Variants in LAMA1 observed in about 807,000 individuals in gnomAD.
LAMA1 encodes laminin subunit alpha 1.
A neutral mutation model predicts 348.7 loss-of-function variants in LAMA1; 219 were observed. The observed-to-expected ratio is 0.63, with a 90% CI of 0.56 to 0.70. LAMA1 has a LOEUF of 0.70. Ranked by LOEUF, LAMA1 falls within the 30% of genes least tolerant of loss-of-function variation. LAMA1 has a pLI of 0.00. For synonymous variants in LAMA1, 1,487 were observed against 1,491.0 expected (o/e 1.00, Z 0.06); for missense variants, 3,744 against 3,888.0 (o/e 0.96, Z 0.99).
At chr18:7,017,447 G>T in intron 19 of LAMA1, 63 bp from the exon 20 acceptor site, 3 of 1,167,064 alleles carry the variant, frequency 2.6e-6, no homozygotes, top group Non-Finnish European at 3.8e-6. Flanking sequence ...CATAAGATCC[G>T]TCATCCCCAA....
At chr18:6,989,706 G>A (rs931625966) in intron 36 of LAMA1, among the ~76,000 whole-genome samples, 2 of 152,052 alleles carry the variant, frequency 1.3e-5, no homozygotes, top group Admixed American at 1.3e-4. Flanking sequence ...GGGAACAGGT[G>A]GGGGTGGGGG....
intron 3 of LAMA1, among the ~76,000 whole-genome samples, chr18:7,067,857 AT>A (rs546684275): frequency 0.037 from 5,088 of 138,088 alleles, 249 homozygotes; most frequent in African/African-American, 0.12. Context: ...TCCTTTTCGC[AT>A]TTTTTTTTTT....
At chr18:7,074,447 C>T (rs1379889078) in intron 3 of LAMA1, among the ~76,000 whole-genome samples, 2 of 152,122 alleles carry the variant, frequency 1.3e-5, no homozygotes, top group Non-Finnish European at 2.9e-5. Context: ...ATTCGTGGAA[C>T]CTATAGGATT....
chr18:7,066,055 T>G lies in LAMA1; in HGVS notation c.345+13920A>C, dbSNP rs2058121661. ...TGGTCATCTCACCAAAACCAATGCT[T>G]TCAGAGTCAGAATTCCACAATCACC... On this transcript the variant is annotated intron_variant, in intron 3 of 62. Coordinates refer to ENST00000389658, the MANE Select transcript of LAMA1 (RefSeq NM_005559.4). Among the ~76,000 whole-genome samples, 3 of 152,226 alleles carry G rather than the reference T, an allele frequency of 2.0e-5. No homozygotes were observed. In the South Asian group the frequency reaches 6.2e-4, roughly 32 times the overall value.
At chr18:6,953,018 T>C (rs12956308) in intron 57 of LAMA1, among the ~76,000 whole-genome samples, 1,265 of 69,876 alleles carry the variant, frequency 0.018, 38 homozygotes, top group East Asian at 0.039. Flanking sequence ...CTGTGTCCAG[T>C]GGATCCACGC....
rs1399859362 is a variant in LAMA1 at position 6,965,317 on chromosome 18, T to G, written c.7166A>C (p.Lys2389Thr). The change falls in exon 50 of 63, where the codon AAA (lysine) becomes ACA (threonine). Residue 2389 changes from lysine (K) to threonine (T), a missense_variant. Coordinates refer to ENST00000389658, the MANE Select transcript of LAMA1 (RefSeq NM_005559.4). ...CTTCCGGTTTCGCTGGAAGGCAATT[T>G]TGTACCAGGTTCCATTGTTATAACG... ...DRRYNNGTWYKIAFQRNRKQG... is the reference protein window; with the variant it reads ...DRRYNNGTWYTIAFQRNRKQG... 1 of 1,614,220 alleles carries G rather than the reference T, an allele frequency of 6.2e-7. No individual in the cohort carries two copies. Among genetic ancestry groups the G allele is most frequent in the African/African-American group, 1.3e-5 (1 of 75,064 alleles).
intron 11 of LAMA1, chr18:7,038,453 T>C: frequency 2.7e-6 from 1 of 366,720 alleles, no homozygotes; most frequent in Non-Finnish European, 5.2e-6. Context: ...AGCTGGAAAA[T>C]CCCCATGGCC....
In LAMA1 at chr18:6,973,130, G is replaced by C; in HGVS notation, c.6701C>G (p.Pro2234Arg). The part of the protein sequence containing the change: ...QKSPTKTSKS[P>R]GTANVLDVNN... Reference sequence around the variant, plus strand: ...TACATCCAGAACATTAGCTGTCCCAGGGGATTTACTTGTTTTTGTTGGTGA... The same window carrying C: ...TACATCCAGAACATTAGCTGTCCCACGGGATTTACTTGTTTTTGTTGGTGA... Residue 2234 changes from proline (P) to arginine (R), a missense_variant, in exon 47 of 63, where the codon CCT becomes CGT. Physicochemically the swap from Pro to Arg is moderately radical, Grantham distance 103 (BLOSUM62 -2). This residue lies in a region of LAMA1 where 1,983 missense variants were observed against 1,934.3 expected (regional missense o/e 1.03). Transcript: ENST00000389658. The C allele has an allele frequency of 6.2e-7, 1 of 1,613,982 alleles. No individual in the cohort carries two copies. The highest frequency in any genetic ancestry group is 8.5e-7 in the Non-Finnish European group (1 of 1,179,810).
intron 61 of LAMA1, among the ~76,000 whole-genome samples, chr18:6,943,968 T>C (rs1166886441): frequency 6.6e-6 from 1 of 152,180 alleles, no homozygotes; most frequent in African/African-American, 2.4e-5. Flanking sequence ...GGCCTCAATT[T>C]TAGGACATTT....
Position 7,010,291 on chromosome 18 carries a change from T to C in LAMA1, c.3782A>G (p.Lys1261Arg), listed in dbSNP as rs368362656. The C allele has an allele frequency of 8.7e-6, 14 of 1,614,192 alleles. No individual in the cohort carries two copies. The highest frequency in any genetic ancestry group is 4.0e-5 in the African/African-American group (3 of 75,042). ...GACTTGCTTTCTGATCCGACCACCTTTGATGAGAACTTGAGGCTCAAAATT... is the reference window on the plus strand; with the variant it reads ...GACTTGCTTTCTGATCCGACCACCTCTGATGAGAACTTGAGGCTCAAAATT... ...TSNFEPQVLI[K>R]GGRIRKQVIY... The change falls in exon 26 of 63, where the codon AAA becomes AGA. Residue 1261 changes from lysine (K) to arginine (R), a missense_variant. By Grantham distance (26) the Lys-to-Arg change is conservative (BLOSUM62 2). Transcript: ENST00000389658.
At chr18:7,025,462 C>T (rs2057938370) in intron 17 of LAMA1, among the ~76,000 whole-genome samples, 1 of 152,224 alleles carries the variant, frequency 6.6e-6, no homozygotes, top group South Asian at 2.1e-4. Flanking sequence ...CACACTGAGT[C>T]CCCTGGGGCC....
chr18:6,947,019 A>G, intron 61 of LAMA1, 144 bp downstream of exon 61: 1 of 1,067,162 alleles, frequency 9.4e-7, no homozygotes, highest in East Asian at 2.5e-5. Context: ...GTTTTCTTGT[A>G]GCAATATCTG....
At chr18:7,074,967 CAAAAAAAAAAAAAAAAAA>C (rs773818069) in intron 3 of LAMA1, among the ~76,000 whole-genome samples, 24 of 52,268 alleles carry the variant, frequency 4.6e-4, no homozygotes, top group East Asian at 1.4e-3. Flanking sequence ...TACATAGAGG[CAAAAAAAAAAAAAAAAAA>C]AAAAAAAAAA....
At chr18:7,115,567 C>T (rs1451711825) in intron 1 of LAMA1, among the ~76,000 whole-genome samples, 7 of 151,526 alleles carry the variant, frequency 4.6e-5, no homozygotes, top group African/African-American at 1.7e-4. Flanking sequence ...AAAAATAACA[C>T]CAGACAACTA....
At chr18:6,994,808 G>A (rs2057774134) in intron 34 of LAMA1, among the ~76,000 whole-genome samples, 2 of 152,090 alleles carry the variant, frequency 1.3e-5, no homozygotes, top group South Asian at 4.1e-4. Flanking sequence ...CTCTGGCACA[G>A]GCTAAACAGA....
In LAMA1 at chr18:7,027,495, G is replaced by T. The variant is rs1453894367; in HGVS notation, c.2275-1389C>A. Among the ~76,000 whole-genome samples the T allele has an allele frequency of 2.0e-5, 3 of 148,996 alleles. No individual in the cohort carries two copies. In the Admixed American group the frequency reaches 2.0e-4, roughly 10 times the overall value. ...TAATTATTTCCAAATAAAGAGCTGG[G>T]TTTTTTTTTATGGGGAATGAAAATA... On this transcript the variant is annotated intron_variant, in intron 16 of 62. Coordinates refer to ENST00000389658, the MANE Select transcript of LAMA1 (RefSeq NM_005559.4).
At chr18:7,076,296 T>C (rs1049665769) in intron 3 of LAMA1, among the ~76,000 whole-genome samples, 3 of 152,192 alleles carry the variant, frequency 2.0e-5, no homozygotes, top group Non-Finnish European at 2.9e-5. Flanking sequence ...ACCTGACTTT[T>C]AACACCCAGA....
At chr18:7,025,429 A>T (rs1411398457) in intron 17 of LAMA1, among the ~76,000 whole-genome samples, 1 of 152,186 alleles carries the variant, frequency 6.6e-6, no homozygotes, top group Non-Finnish European at 1.5e-5. Context: ...CATCTGGTGG[A>T]CAGGCCTCAC....
rs772845009 is a variant in LAMA1, at chr18:7,042,240, T to C, written c.1166A>G (p.Tyr389Cys). Residue 389 changes from tyrosine to cysteine, a missense_variant, in exon 9 of 63, where the codon TAT (tyrosine) becomes TGT (cysteine). Tyr to Cys is a radical substitution (Grantham distance 194, BLOSUM62 -2). Transcript: ENST00000389658. The part of the protein sequence containing the change: ...GYYRPHKVSP[Y>C]EDEPCRPCNC... ...ACAGGGGCGGCAAGGCTCATCCTCA[T>C]AAGGAGACACCTGAAAGGCAGAGGT... The C allele has an allele frequency of 2.5e-6, 4 of 1,606,424 alleles. No individual in the cohort carries two copies. In the South Asian group the frequency reaches 4.4e-5, roughly 18 times the overall value.
Sources: allele counts gnomAD v4.1 joint callset (sites outside exome capture counted in the v4.1 genomes callset), GRCh38; gene constraint gnomAD v4.1.1; regional missense constraint gnomAD v4.1.1; transcripts MANE v1.5; gene names NCBI Gene and HGNC (gene_info 2026-07-23, HGNC 2026-07-21).